The following SMC1B variants were observed in gnomAD, a reference collection of about 807,000 sequenced individuals.
SMC1B encodes structural maintenance of chromosomes protein 1B.
A neutral mutation model predicts 157.9 loss-of-function variants in SMC1B; 60 were observed. That is an observed-to-expected ratio of 0.38 (90% CI 0.31 to 0.47). The LOEUF (loss-of-function observed/expected upper bound fraction) is 0.47, where lower values mean the gene tolerates loss of function less well. SMC1B is among the 20% of genes least tolerant of loss of function. SMC1B has a pLI of 0.99. For synonymous variants in SMC1B, 445 were observed against 483.0 expected, an observed-to-expected ratio of 0.92 and a Z score of 1.03; for missense variants, 1,165 against 1,426.2, an observed-to-expected ratio of 0.82 and a Z score of 2.95.
chr22:45,346,768 C>A (rs780537336), intron 23 of SMC1B, among the ~76,000 whole-genome samples: 1 of 152,180 alleles, frequency 6.6e-6, no homozygotes, highest in Non-Finnish European at 1.5e-5. Context: ...GCAGGGCATG[C>A]GTTTTTCCTG....
intron 12 of SMC1B, among the ~76,000 whole-genome samples, chr22:45,374,090 GTTTTTTTT>G (rs35971057): frequency 5.8e-5 from 5 of 85,506 alleles, no homozygotes; most frequent in East Asian, 3.8e-4. Flanking sequence ...AACAAAGACG[GTTTTTTTT>G]TTTTTTTTTT....
intron 4 of SMC1B, among the ~76,000 whole-genome samples, chr22:45,404,467 A>G (rs903482519): frequency 2.6e-5 from 4 of 152,162 alleles, no homozygotes; most frequent in African/African-American, 9.7e-5. Context: ...GAACCAGGAG[A>G]CAACCAACTA....
At chr22:45,347,265 T>A (rs2086561884) in intron 23 of SMC1B, among the ~76,000 whole-genome samples, 2 of 151,954 alleles carry the variant, frequency 1.3e-5, no homozygotes, top group Non-Finnish European at 2.9e-5. Context: ...CTTTCCCAGC[T>A]GCCATGAAGC....
intron 15 of SMC1B, among the ~76,000 whole-genome samples, chr22:45,364,690 G>A (rs1350692178): frequency 6.6e-6 from 1 of 152,182 alleles, no homozygotes; most frequent in Non-Finnish European, 1.5e-5. Context: ...TACAGATGAT[G>A]TAGAAGTGGA....
At chr22:45,400,653 C>G (rs1464083928) in intron 5 of SMC1B, among the ~76,000 whole-genome samples, 1 of 152,102 alleles carries the variant, frequency 6.6e-6, no homozygotes, top group Non-Finnish European at 1.5e-5. Context: ...GTGACTTCCT[C>G]TCAAAGATTA....
intron 9 of SMC1B, among the ~76,000 whole-genome samples, 171 bp from the exon 10 acceptor site, chr22:45,390,068 T>C (rs2087040199): frequency 6.6e-6 from 1 of 152,130 alleles, no homozygotes; most frequent in African/African-American, 2.4e-5. Flanking sequence ...TTATGCAATG[T>C]CCATCTAGCT....
chr22:45,411,079 C>T (rs953636043), intron 1 of SMC1B, among the ~76,000 whole-genome samples: 2 of 152,216 alleles, frequency 1.3e-5, no homozygotes, highest in Admixed American at 1.3e-4. Flanking sequence ...AAATACTTCT[C>T]ATCCAAATCC....
intron 15 of SMC1B, among the ~76,000 whole-genome samples, chr22:45,366,822 G>A (rs2086780673): frequency 6.6e-6 from 1 of 152,138 alleles, no homozygotes. Context: ...ATATCTTGTA[G>A]GCATTCTTCA....
At chr22:45,394,287 T>A (rs1375905148) in intron 8 of SMC1B, among the ~76,000 whole-genome samples, 1 of 151,962 alleles carries the variant, frequency 6.6e-6, no homozygotes, top group East Asian at 1.9e-4. Context: ...ATCACGCAAC[T>A]GCACTCCAGT....
chr22:45,379,790 T>C (rs2086918190), intron 12 of SMC1B, among the ~76,000 whole-genome samples: 1 of 137,942 alleles, frequency 7.2e-6, no homozygotes, highest in Non-Finnish European at 1.5e-5. Context: ...TGGAGTGCAG[T>C]GGCGCAATCT....
intron 10 of SMC1B, among the ~76,000 whole-genome samples, chr22:45,388,944 G>A (rs933465388): frequency 1.6e-5 from 2 of 124,924 alleles, no homozygotes; most frequent in East Asian, 4.9e-4. Context: ...CCAAGATCGT[G>A]CCACTGCACT....
At chr22:45,412,805 A>G (rs2087360169) in intron 1 of SMC1B, among the ~76,000 whole-genome samples, 1 of 152,116 alleles carries the variant, frequency 6.6e-6, no homozygotes, top group Admixed American at 6.5e-5. Context: ...AACTTAGGAA[A>G]AGCTCAGTAA....
chr22:45,365,796 A>G (rs1206446311), intron 15 of SMC1B, among the ~76,000 whole-genome samples: 2 of 152,174 alleles, frequency 1.3e-5, no homozygotes, highest in African/African-American at 4.8e-5. Flanking sequence ...TATTCACAAG[A>G]AAAAAATAAA....
intron 1 of SMC1B, among the ~76,000 whole-genome samples, chr22:45,409,698 T>C (rs972555858): frequency 2.7e-4 from 41 of 152,166 alleles, no homozygotes; most frequent in African/African-American, 4.8e-5. Flanking sequence ...AAAATTTATA[T>C]AGCAGGCTTG....
chr22:45,379,129 G>A (rs561057946), intron 12 of SMC1B, among the ~76,000 whole-genome samples: 269 of 152,132 alleles, frequency 1.8e-3, no homozygotes, highest in Non-Finnish European at 2.9e-3. Context: ...CTGCAGGTGC[G>A]TGCCACCAAG....
At chr22:45,384,226 T>C (rs2086968063) in intron 11 of SMC1B, among the ~76,000 whole-genome samples, 1 of 152,248 alleles carries the variant, frequency 6.6e-6, no homozygotes, top group Non-Finnish European at 1.5e-5. Flanking sequence ...TTTCCCACTA[T>C]ATTATTGTTC....
chr22:45,409,333 G>A (rs770476032), intron 1 of SMC1B, among the ~76,000 whole-genome samples: 16 of 152,162 alleles, frequency 1.1e-4, no homozygotes, highest in Non-Finnish European at 1.0e-4. Flanking sequence ...GCAGGCCAAG[G>A]TGAGCAGATC....
chr22:45,352,362 A>T, intron 22 of SMC1B, 89 bp downstream of exon 22: 1 of 1,198,900 alleles, frequency 8.3e-7, no homozygotes, highest in Non-Finnish European at 1.1e-6. Flanking sequence ...GCTAAATATT[A>T]ATAAAGACAA....
At chr22:45,404,779 T>A (rs2087239466) in intron 4 of SMC1B, among the ~76,000 whole-genome samples, 1 of 152,330 alleles carries the variant, frequency 6.6e-6, no homozygotes, top group African/African-American at 2.4e-5. Context: ...CTAAAATGTA[T>A]AAAACCTAGC....
Sources: gnomAD v4.1 joint callset for allele counts (sites outside exome capture counted in the v4.1 genomes callset) on GRCh38, gnomAD v4.1.1 for gene constraint, MANE v1.5 for transcripts, NCBI Gene and HGNC (gene_info 2026-07-23, HGNC 2026-07-21) for gene names.